C3orf70: variants seen among roughly 807,000 people sequenced by gnomAD.
C3orf70 encodes chromosome 3 open reading frame 70.
In C3orf70, 15 loss-of-function variants were observed where a neutral mutation model predicts 20.7. That is an observed-to-expected ratio of 0.72 (90% confidence interval 0.48 to 1.11). The LOEUF is 1.11. Among genes scored for constraint, C3orf70 ranks in the 50% most tolerant of loss-of-function variants. The pLI is 0.00. For missense variants in C3orf70, 332 were observed against 317.6 expected, an observed-to-expected ratio of 1.05 and a Z score of -0.34; for synonymous variants, 161 against 125.7, an observed-to-expected ratio of 1.28 and a Z score of -1.88.
At chr3:185,088,621 C>T (rs932738529) in intron 1 of C3orf70, among the ~76,000 whole-genome samples, 1 of 152,026 alleles carries the variant, frequency 6.6e-6, no homozygotes, top group Non-Finnish European at 1.5e-5. Context: ...TTAGGAGGTA[C>T]ATGCTGTTGA....
chr3:185,132,706 T>G (rs528471864), intron 1 of C3orf70, among the ~76,000 whole-genome samples: 11 of 152,178 alleles, frequency 7.2e-5, no homozygotes, highest in African/African-American at 1.9e-4. Context: ...AGGACAGTAT[T>G]TGAAGAGCAG....
At chr3:185,122,305 A>G (rs1255779907) in intron 1 of C3orf70, among the ~76,000 whole-genome samples, 2 of 152,160 alleles carry the variant, frequency 1.3e-5, no homozygotes, top group Non-Finnish European at 2.9e-5. Flanking sequence ...ACCTAACAAT[A>G]GAGTCTCAGA....
chr3:185,137,728 T>C (rs188642661), intron 1 of C3orf70, among the ~76,000 whole-genome samples: 4 of 152,278 alleles, frequency 2.6e-5, no homozygotes, highest in African/African-American at 9.6e-5. Flanking sequence ...CATAAAAATT[T>C]ATGATACACA....
chr3:185,149,170 AT>A (rs1305320075), intron 1 of C3orf70, among the ~76,000 whole-genome samples: 3 of 152,218 alleles, frequency 2.0e-5, no homozygotes, highest in African/African-American at 7.2e-5. Context: ...AGGCAAGCGG[AT>A]CACCTGAGGT....
At chr3:185,150,944 A>G (rs757642776) in intron 1 of C3orf70, among the ~76,000 whole-genome samples, 10 of 152,200 alleles carry the variant, frequency 6.6e-5, no homozygotes, top group Non-Finnish European at 1.5e-4. Context: ...TGTTAAACCT[A>G]TTTCAGGAAA....
intron 1 of C3orf70, among the ~76,000 whole-genome samples, chr3:185,124,400 A>ACTT (rs1162770186): frequency 6.6e-6 from 1 of 152,236 alleles, no homozygotes; most frequent in East Asian, 1.9e-4. Context: ...TTGAAAATGA[A>ACTT]CAGTGAAGTT....
rs1715224697 is a variant in C3orf70, at chr3:185,077,668, A to G, written c.*5339T>C. ...GCGACCCCCCCAAGCTCTGCCGGGC[A>G]GCAGCCTCCCTCGATGCCTGATCTT... On this transcript the variant is annotated 3_prime_UTR_variant, in exon 2 of 2. Coordinates refer to ENST00000335012, the MANE Select transcript of C3orf70 (RefSeq NM_001025266.3). 6.6e-6 allele frequency among the ~76,000 whole-genome samples: 1 copy of G among 151,924 alleles called. No individual in the cohort carries two copies. The highest frequency in any genetic ancestry group is 6.6e-5 in the Admixed American group (1 of 15,252).
intron 1 of C3orf70, among the ~76,000 whole-genome samples, chr3:185,134,125 A>ATATATATATATATATATATATATT (rs71298570): frequency 6.2e-5 from 9 of 145,934 alleles, no homozygotes; most frequent in Middle Eastern, 3.4e-3. Flanking sequence ...TCATATATAT[A>ATATATATATATATATATATATATT]TAGAGGAGAT....
chr3:185,146,008 A>C (rs1001763943), intron 1 of C3orf70, among the ~76,000 whole-genome samples: 6 of 151,918 alleles, frequency 3.9e-5, no homozygotes, highest in Admixed American at 3.3e-4. Context: ...CTCTGGAAGA[A>C]CCTATCAGCT....
intron 1 of C3orf70, among the ~76,000 whole-genome samples, chr3:185,142,817 CATGTAATA>C (rs1289044081): frequency 6.6e-6 from 1 of 152,112 alleles, no homozygotes; most frequent in Non-Finnish European, 1.5e-5. Flanking sequence ...CAATATCACT[CATGTAATA>C]ATGTGACAAA....
At chr3:185,137,849 A>G (rs999823739) in intron 1 of C3orf70, among the ~76,000 whole-genome samples, 4 of 152,226 alleles carry the variant, frequency 2.6e-5, no homozygotes, top group Admixed American at 1.3e-4. Flanking sequence ...TAGAAAAAGC[A>G]CAAAATAAAC....
intron 1 of C3orf70, among the ~76,000 whole-genome samples, chr3:185,137,790 A>C (rs1329420684): frequency 6.6e-6 from 1 of 152,200 alleles, no homozygotes; most frequent in East Asian, 1.9e-4. Flanking sequence ...ATATATTAGA[A>C]AGAATAAAAG....
chr3:185,147,026 T>C (rs549546928), intron 1 of C3orf70, among the ~76,000 whole-genome samples: 1 of 152,296 alleles, frequency 6.6e-6, no homozygotes, highest in African/African-American at 2.4e-5. Context: ...CAGCATAACA[T>C]CTTCTCTGAA....
At position 185,080,315 on chromosome 3, in the gene C3orf70, T is replaced by C. The variant is rs1561320194; in HGVS notation, c.*2692A>G. ...AAAATTCCATTAAAATTGTGTCTAA[T>C]CAGAATGGCAGTTCAGGAGTCTAAA... On this transcript the variant is annotated 3_prime_UTR_variant, in exon 2 of 2. Coordinates refer to ENST00000335012, the MANE Select transcript of C3orf70 (RefSeq NM_001025266.3). 1.3e-5 allele frequency: 2 copies of C among 152,594 alleles called. No individual in the cohort carries two copies. Among genetic ancestry groups the C allele is most frequent in the Non-Finnish European group, 2.9e-5 (2 of 68,038 alleles). 9.5% of individuals were successfully genotyped at this position (152,594 alleles called of 1,614,324 possible). A position where few individuals can be genotyped will look rare whatever the true frequency, so the allele number is the denominator to read the frequency against.
intron 1 of C3orf70, among the ~76,000 whole-genome samples, chr3:185,131,899 G>A (rs1716530351): frequency 6.6e-6 from 1 of 152,192 alleles, no homozygotes; most frequent in East Asian, 1.9e-4. Context: ...CAGTGTAAGA[G>A]TAAATTACAA....
In C3orf70 at chr3:185,135,587, A is replaced by G. The variant is rs75651777; in HGVS notation, c.196+17041T>C. Among the ~76,000 whole-genome samples, 331 of 152,374 alleles carry G rather than the reference A, an allele frequency of 2.2e-3. 1 individual carries two copies. The highest frequency in any genetic ancestry group is 7.6e-3 in the African/African-American group (317 of 41,586). The stretch of plus-strand genomic sequence containing the variant: ...AATTTCTGATGTTCGATAGCAGAGT[A>G]GCGTAACTATAGTTAACAGCAATGT... On this transcript the variant is annotated intron_variant, in intron 1 of 1. Transcript: ENST00000335012.
chr3:185,090,208 C>G (rs913277315), intron 1 of C3orf70, among the ~76,000 whole-genome samples: 42 of 152,134 alleles, frequency 2.8e-4, no homozygotes, highest in African/African-American at 9.9e-4. Flanking sequence ...TGTATAATTA[C>G]ATAGCAGATA....
chr3:185,134,825 CAG>C (rs1716589842), intron 1 of C3orf70, among the ~76,000 whole-genome samples: 1 of 152,098 alleles, frequency 6.6e-6, no homozygotes, highest in East Asian at 1.9e-4. Context: ...AATCAGGACT[CAG>C]TGGTACTGAG....
Position 185,123,138 on chromosome 3 carries a change from C to T in C3orf70, c.196+29490G>A, listed in dbSNP as rs372302242. On this transcript the variant is annotated intron_variant, in intron 1 of 1. Transcript: ENST00000335012. ...AGGTTGCAGTGAGCCAAGATCGCGC[C>T]ACTGCACTCCAGCCTGGGTGACAGA... Among the ~76,000 whole-genome samples, 18 of 140,282 alleles carry T rather than the reference C, an allele frequency of 1.3e-4. No individual in the cohort carries two copies. The East Asian group carries it at 3.7e-3, about 29-fold the overall frequency. The allele number at this position is 140,282 out of a possible 152,430, so 92.0% of individuals were successfully genotyped here. A position where few individuals can be genotyped will look rare whatever the true frequency, so the allele number is the denominator to read the frequency against.
Sources: gnomAD v4.1 joint callset for allele counts (sites outside exome capture counted in the v4.1 genomes callset) on GRCh38, gnomAD v4.1.1 for gene constraint, MANE v1.5 for transcripts, NCBI Gene and HGNC (gene_info 2026-07-23, HGNC 2026-07-21) for gene names.